MACROD2: variants seen among roughly 807,000 people sequenced by gnomAD.
MACROD2 encodes the protein ADP-ribose glycohydrolase MACROD2.
In MACROD2, 36 loss-of-function variants were observed where a neutral mutation model predicts 70.4. The observed-to-expected ratio is 0.51, with a 90% confidence interval of 0.39 to 0.68. The LOEUF is 0.68. Among genes scored for constraint, MACROD2 ranks in the 30% least tolerant of loss-of-function variants. MACROD2 has a pLI of 0.00. For missense variants in MACROD2, 496 were observed against 538.4 expected (o/e 0.92, Z 0.78); for synonymous variants, 172 against 178.8 (o/e 0.96, Z 0.30).
intron 6 of MACROD2, among the ~76,000 whole-genome samples, chr20:15,412,469 G>A (rs191576366): frequency 6.6e-6 from 1 of 152,076 alleles, no homozygotes; most frequent in Non-Finnish European, 1.5e-5. Context: ...ACTAAACAAA[G>A]CATCAGCACA....
intron 8 of MACROD2, among the ~76,000 whole-genome samples, chr20:15,573,734 C>T (rs553444160): frequency 9.1e-4 from 139 of 152,162 alleles, no homozygotes; most frequent in African/African-American, 3.2e-3. Flanking sequence ...GAATCTCCTT[C>T]CCTATTTTCC....
At chr20:14,536,549 C>G (rs2085365514) in intron 4 of MACROD2, among the ~76,000 whole-genome samples, 1 of 151,270 alleles carries the variant, frequency 6.6e-6, no homozygotes, top group African/African-American at 2.4e-5. Context: ...TCTTTAGGAG[C>G]AAAATGATAA....
At chr20:15,983,772 C>T (rs1311921061) in intron 13 of MACROD2, among the ~76,000 whole-genome samples, 1 of 152,198 alleles carries the variant, frequency 6.6e-6, no homozygotes, top group African/African-American at 2.4e-5. Context: ...ATAACAATTG[C>T]TTTTGTTTAA....
At position 14,906,134 on chromosome 20, in the gene MACROD2, TATA is replaced by T. The variant is rs374968420; in HGVS notation, c.418+221180_418+221182del. On this transcript the variant is annotated intron_variant, in intron 5 of 17. Transcript: ENST00000684519. ...TAAAACGTTATTCTTCACTATAAAG[TATA>T]ATAAGAGGGAAATTTTCTTCTTTTA... is the stretch of plus-strand genomic sequence containing the variant. 1.0e-3 allele frequency: 157 copies of T among 152,320 alleles called. 2 individuals are homozygous for T. Among genetic ancestry groups the T allele is most frequent in the African/African-American group, 3.4e-3 (143 of 41,570 alleles). 9.4% of individuals were successfully genotyped at this position (152,320 alleles called of 1,614,324 possible).
Position 14,699,913 on chromosome 20 carries a change from T to C in MACROD2, c.418+14954T>C, listed in dbSNP as rs766410326. On this transcript the variant is annotated intron_variant, in intron 5 of 17. Transcript: ENST00000684519. ...GTTTAAAGTTTAAACTTTTTAAATC[T>C]AGAAGTTTAAAGTTTAAACTTTTTA... Among the ~76,000 whole-genome samples, 1,368 of 138,530 alleles carry C rather than the reference T, an allele frequency of 9.9e-3. 12 individuals carry two copies. The highest frequency in any genetic ancestry group is 0.012 in the Non-Finnish European group (760 of 62,628). The allele number at this position is 138,530 out of a possible 152,430, so 90.9% of individuals were successfully genotyped here. A position where few individuals can be genotyped will look rare whatever the true frequency, so the allele number is the denominator to read the frequency against.
At chr20:15,294,236 C>T (rs6079734) in intron 6 of MACROD2, among the ~76,000 whole-genome samples, 5,075 of 152,056 alleles carry the variant, frequency 0.033, 110 homozygotes, top group South Asian at 0.066. Context: ...AATCAAGCAT[C>T]GGATGATAAA....
At chr20:14,392,462 ATAT>A (rs1478903520) in intron 3 of MACROD2, among the ~76,000 whole-genome samples, 2 of 152,208 alleles carry the variant, frequency 1.3e-5, no homozygotes, top group East Asian at 3.8e-4. Flanking sequence ...AGGGTTTTAA[ATAT>A]TATAAATGAC....
intron 5 of MACROD2, among the ~76,000 whole-genome samples, chr20:15,083,914 A>T (rs957232194): frequency 2.6e-5 from 4 of 151,952 alleles, no homozygotes; most frequent in African/African-American, 9.7e-5. Context: ...CTTTCCCCTG[A>T]TGTCATTTAT....
chr20:14,314,189 C>T (rs1000987735), intron 3 of MACROD2, among the ~76,000 whole-genome samples: 2 of 152,146 alleles, frequency 1.3e-5, no homozygotes, highest in African/African-American at 4.8e-5. Flanking sequence ...ATTATTATTC[C>T]TTCTGCATTT....
At chr20:14,772,236 CCA>C (rs2072178826) in intron 5 of MACROD2, among the ~76,000 whole-genome samples, 2 of 151,978 alleles carry the variant, frequency 1.3e-5, no homozygotes, top group Admixed American at 1.3e-4. Flanking sequence ...TCACTTTCTT[CCA>C]TTCTTTTATC....
In MACROD2 at chr20:15,932,046, G is replaced by T. The variant is rs146570384; in HGVS notation, c.776-1230G>T. Among the ~76,000 whole-genome samples, 52 of 152,230 alleles carry T rather than the reference G, an allele frequency of 3.4e-4. 1 individual carries two copies. In the East Asian group the frequency reaches 0.01, roughly 29 times the overall value. On this transcript the variant is annotated intron_variant, in intron 10 of 17. Coordinates refer to ENST00000684519, the MANE Select transcript of MACROD2 (RefSeq NM_001351661.2). ...TTAAGTGATTCAGTCCTGCTTGTGG[G>T]TCAGGAATTTTTAAAGGGCTCAGCT...
intron 8 of MACROD2, among the ~76,000 whole-genome samples, chr20:15,538,440 T>C (rs1455542913): frequency 6.6e-6 from 1 of 152,222 alleles, no homozygotes; most frequent in Non-Finnish European, 1.5e-5. Context: ...ATTAACCCCT[T>C]TTTAGAACTT....
At chr20:14,441,774 A>G (rs2084126581) in intron 3 of MACROD2, among the ~76,000 whole-genome samples, 1 of 152,242 alleles carries the variant, frequency 6.6e-6, no homozygotes, top group Non-Finnish European at 1.5e-5. Context: ...CAGCAACAAA[A>G]GACTCAGCAA....
chr20:14,772,581 C>T (rs767262062), intron 5 of MACROD2, among the ~76,000 whole-genome samples: 15 of 152,022 alleles, frequency 9.9e-5, no homozygotes, highest in Admixed American at 4.6e-4. Flanking sequence ...GACCTGCCCC[C>T]GTGATTCAGT....
At chr20:14,834,419 A>G (rs2073006091) in intron 5 of MACROD2, among the ~76,000 whole-genome samples, 1 of 152,026 alleles carries the variant, frequency 6.6e-6, no homozygotes, top group Admixed American at 6.6e-5. Flanking sequence ...CATGTAAAAT[A>G]TATTTGATGA....
chr20:15,848,362 G>A (rs2064257769), intron 8 of MACROD2, among the ~76,000 whole-genome samples: 1 of 151,800 alleles, frequency 6.6e-6, no homozygotes, highest in Non-Finnish European at 1.5e-5. Flanking sequence ...TACAAGCCAG[G>A]GGGAGGGGGG....
chr20:15,484,476 C>T (rs985048061), intron 7 of MACROD2, among the ~76,000 whole-genome samples: 2 of 152,172 alleles, frequency 1.3e-5, no homozygotes, highest in South Asian at 4.2e-4. Flanking sequence ...TAGGCATTTC[C>T]TTTCTTCTAT....
intron 3 of MACROD2, among the ~76,000 whole-genome samples, chr20:14,364,124 C>T (rs775904469): frequency 1.3e-5 from 2 of 152,110 alleles, no homozygotes; most frequent in Non-Finnish European, 1.5e-5. Flanking sequence ...CTCTCTTACT[C>T]CTGTTTGCTG....
At chr20:15,494,940 A>C (rs994852798) in intron 7 of MACROD2, among the ~76,000 whole-genome samples, 1 of 152,236 alleles carries the variant, frequency 6.6e-6, no homozygotes, top group Admixed American at 6.5e-5. Context: ...TTGGAATGCC[A>C]GTAGAAGCAC....
Sources: allele counts gnomAD v4.1 joint callset (sites outside exome capture counted in the v4.1 genomes callset), GRCh38; gene constraint gnomAD v4.1.1; transcripts MANE v1.5; gene names NCBI Gene and HGNC (gene_info 2026-07-23, HGNC 2026-07-21).